KATNBL1: variants seen among roughly 807,000 people sequenced by gnomAD.
KATNBL1 encodes the protein katanin regulatory subunit B1 like 1.
KATNBL1 carries 28 observed loss-of-function variants against 44.7 expected under a neutral mutation model. The ratio of observed to expected loss-of-function variants is 0.63; its 90% CI spans 0.46 to 0.86. The LOEUF (loss-of-function observed/expected upper bound fraction) is 0.86, where lower values mean the gene tolerates loss of function less well. Among genes scored for constraint, KATNBL1 ranks in the 40% least tolerant of loss-of-function variants. The probability of loss-of-function intolerance (pLI) is 0.00; values close to 1 mark genes in which losing one functional copy is unlikely to be tolerated. For missense variants in KATNBL1, 272 were observed against 350.7 expected, an observed-to-expected ratio of 0.78 and a Z score of 1.79; for synonymous variants, 78 against 114.9, an observed-to-expected ratio of 0.68 and a Z score of 2.06.
chr15:34,154,546 TTA>T, intron 3 of KATNBL1, 96 bp downstream of exon 3: 1 of 769,264 alleles, frequency 1.3e-6, no homozygotes, highest in Non-Finnish European at 2.3e-6. Flanking sequence ...AATAAGTTAA[TTA>T]TTATTATGAT....
At chr15:34,172,256 CTTTT>C (rs59733560) in intron 1 of KATNBL1, among the ~76,000 whole-genome samples, 2 of 96,616 alleles carry the variant, frequency 2.1e-5, no homozygotes, top group Admixed American at 1.5e-4. Flanking sequence ...GGAACATATT[CTTTT>C]TTTTTTTTTT....
At chr15:34,145,193 A>G (rs1372966035) in intron 9 of KATNBL1, 1 of 1,368,172 alleles carries the variant, frequency 7.3e-7, no homozygotes, top group Admixed American at 2.2e-5. Flanking sequence ...CTGTACATGA[A>G]ACATGTTCAA....
At chr15:34,152,591 C>T (rs1262414197) in intron 4 of KATNBL1, among the ~76,000 whole-genome samples, 199 bp downstream of exon 4, 1 of 152,192 alleles carries the variant, frequency 6.6e-6, no homozygotes, top group Non-Finnish European at 1.5e-5. Flanking sequence ...AGCATTTCAT[C>T]CCATCTTAGA....
In KATNBL1 at chr15:34,181,853, G is replaced by GTCCATCTATATA. The variant is rs1889571426; in HGVS notation, c.-14-18164_-14-18163insTATATAGATGGA. Among the ~76,000 whole-genome samples the GTCCATCTATATA allele has an allele frequency of 2.7e-5, 2 of 75,016 alleles. 1 individual carries two copies. Among genetic ancestry groups the GTCCATCTATATA allele is most frequent in the Non-Finnish European group, 5.0e-5 (2 of 39,752 alleles). The allele number at this position is 75,016 out of a possible 152,430, so 49.2% of individuals were successfully genotyped here. On this transcript the variant is annotated intron_variant, in intron 1 of 9. Coordinates refer to ENST00000256544, the MANE Select transcript of KATNBL1 (RefSeq NM_024713.3). ...ATCCATATATATACACATATATATA[G>GTCCATCTATATA]TCCATATATATATATCCATATATAT...
rs369930323 is a variant in KATNBL1 at position 34,173,921 on chromosome 15, G to A, written c.-14-10231C>T. Among the ~76,000 whole-genome samples, 77 of 152,188 alleles carry A rather than the reference G, an allele frequency of 5.1e-4. 1 individual carries two copies. In the East Asian group the frequency reaches 0.013, roughly 26 times the overall value. On this transcript the variant is annotated intron_variant, in intron 1 of 9. Coordinates refer to ENST00000256544, the MANE Select transcript of KATNBL1 (RefSeq NM_024713.3). ...AAATTAAGAGAATTTGTTACCAGCAGATCTACCCTAAAAGAATGACTACAG... is the reference window on the plus strand; with the variant it reads ...AAATTAAGAGAATTTGTTACCAGCAAATCTACCCTAAAAGAATGACTACAG...
At chr15:34,168,363 G>T (rs1168639012) in intron 1 of KATNBL1, among the ~76,000 whole-genome samples, 1 of 152,062 alleles carries the variant, frequency 6.6e-6, no homozygotes, top group African/African-American at 2.4e-5. Flanking sequence ...TAATGGTAAA[G>T]GAATCAATTC....
chr15:34,194,832 G>A (rs905162267), intron 1 of KATNBL1, among the ~76,000 whole-genome samples: 5 of 152,104 alleles, frequency 3.3e-5, no homozygotes, highest in African/African-American at 1.2e-4. Context: ...GAAGACAAAT[G>A]GCCAAGAAGC....
chr15:34,158,082 A>C (rs1384762365), intron 2 of KATNBL1, among the ~76,000 whole-genome samples: 1 of 152,198 alleles, frequency 6.6e-6, no homozygotes, highest in East Asian at 1.9e-4. Context: ...TCTTAATTCC[A>C]GATACCTTCC....
At chr15:34,171,456 G>C (rs368573930) in intron 1 of KATNBL1, among the ~76,000 whole-genome samples, 1 of 152,298 alleles carries the variant, frequency 6.6e-6, no homozygotes, top group African/African-American at 2.4e-5. Context: ...GAGAGGATGT[G>C]GAGAAACAAG....
chr15:34,144,737 A>G (rs559373284), intron 9 of KATNBL1, among the ~76,000 whole-genome samples: 4 of 152,024 alleles, frequency 2.6e-5, no homozygotes, highest in African/African-American at 7.2e-5. Flanking sequence ...CACCCAGGTA[A>G]TTTTTTGTAT....
chr15:34,191,209 T>A (rs2140985378), intron 1 of KATNBL1, among the ~76,000 whole-genome samples: 1 of 146,400 alleles, frequency 6.8e-6, no homozygotes, highest in East Asian at 2.0e-4. Context: ...TTCTTTCACT[T>A]AGCATAACTA....
intron 3 of KATNBL1, among the ~76,000 whole-genome samples, chr15:34,153,584 TTTTTTGA>T (rs1888548667): frequency 6.6e-6 from 1 of 152,154 alleles, no homozygotes; most frequent in Non-Finnish European, 1.5e-5. Context: ...AATTTTTTTT[TTTTTTGA>T]GATGCAGTCT....
At chr15:34,197,757 A>AT (rs1051060685) in intron 1 of KATNBL1, among the ~76,000 whole-genome samples, 5 of 152,008 alleles carry the variant, frequency 3.3e-5, no homozygotes, top group East Asian at 1.9e-4. Context: ...GGTTTATTTT[A>AT]TTTTTTTTGA....
At chr15:34,179,017 C>T (rs1889430941) in intron 1 of KATNBL1, among the ~76,000 whole-genome samples, 2 of 152,130 alleles carry the variant, frequency 1.3e-5, no homozygotes, top group Admixed American at 6.5e-5. Flanking sequence ...AGGCTGATCT[C>T]AATGGGACTG....
At chr15:34,183,826 G>T (rs1889634535) in intron 1 of KATNBL1, among the ~76,000 whole-genome samples, 1 of 152,204 alleles carries the variant, frequency 6.6e-6, no homozygotes. Context: ...AAAAACTTAA[G>T]AAACTACCAC....
At chr15:34,174,959 A>C (rs1889280514) in intron 1 of KATNBL1, among the ~76,000 whole-genome samples, 3 of 135,454 alleles carry the variant, frequency 2.2e-5, no homozygotes, top group African/African-American at 9.0e-5. Context: ...TTAACTTTTA[A>C]AAAGCAGGCC....
intron 1 of KATNBL1, among the ~76,000 whole-genome samples, chr15:34,182,486 C>T (rs1045058336): frequency 6.6e-6 from 1 of 152,006 alleles, no homozygotes; most frequent in African/African-American, 2.4e-5. Context: ...AATTTATCAT[C>T]CAAACTAGGA....
At chr15:34,197,185 A>C (rs554174992) in intron 1 of KATNBL1, among the ~76,000 whole-genome samples, 1 of 152,258 alleles carries the variant, frequency 6.6e-6, no homozygotes, top group Non-Finnish European at 1.5e-5. Flanking sequence ...ACAAACGATG[A>C]ACAATGTCAT....
intron 1 of KATNBL1, among the ~76,000 whole-genome samples, chr15:34,201,667 CT>C (rs1200282900): frequency 6.6e-6 from 1 of 152,130 alleles, no homozygotes; most frequent in African/African-American, 2.4e-5. Flanking sequence ...TTTACTTTCC[CT>C]GTTAGAATAA....
Sources: gnomAD v4.1 joint callset for allele counts (sites outside exome capture counted in the v4.1 genomes callset) on GRCh38, gnomAD v4.1.1 for gene constraint, MANE v1.5 for transcripts, NCBI Gene and HGNC (gene_info 2026-07-23, HGNC 2026-07-21) for gene names.